Variants in ARB2A observed in about 807,000 individuals in gnomAD.
The protein encoded by ARB2A is ARB2 cotranscriptional regulator A.
the ARB2A span, among the ~76,000 whole-genome samples, chr5:93,918,305 A>T: frequency 6.6e-6 from 1 of 152,188 alleles, no homozygotes; most frequent in Non-Finnish European, 1.5e-5. Context: ...GTGTATACGC[A>T]TGTGTAAACA....
At chr5:93,703,848 C>G in the ARB2A span, among the ~76,000 whole-genome samples, 3 of 152,160 alleles carry the variant, frequency 2.0e-5, no homozygotes, top group African/African-American at 7.2e-5. Context: ...TAATCCATTC[C>G]TGGAAGCCAC....
chr5:94,050,439 G>A, the ARB2A span, among the ~76,000 whole-genome samples: 23 of 151,820 alleles, frequency 1.5e-4, no homozygotes, highest in South Asian at 4.2e-3. Flanking sequence ...ATTTTTAGTG[G>A]AGACAGGGTT....
chr5:94,022,873 G>C, the ARB2A span, among the ~76,000 whole-genome samples: 1 of 152,198 alleles, frequency 6.6e-6, no homozygotes, highest in East Asian at 1.9e-4. Flanking sequence ...ACACAAATCA[G>C]ACCATGGGAA....
At chr5:93,847,978 T>C in the ARB2A span, among the ~76,000 whole-genome samples, 1 of 152,236 alleles carries the variant, frequency 6.6e-6, no homozygotes, top group Non-Finnish European at 1.5e-5. Flanking sequence ...TTAAGAAATG[T>C]TATTTAAAAC....
the ARB2A span, chr5:93,734,439 G>C: frequency 2.0e-5 from 3 of 152,100 alleles, no homozygotes; most frequent in East Asian, 5.8e-4. Context: ...GAAGAGCCAC[G>C]GTCCTCTTTG....
At chr5:94,053,202 A>C in the ARB2A span, 1 of 1,578,742 alleles carries the variant, frequency 6.3e-7, no homozygotes, top group Non-Finnish European at 8.7e-7. Context: ...TCATTAGTTC[A>C]TCCAAATCTA....
chr5:93,679,968 G>A, the ARB2A span, among the ~76,000 whole-genome samples: 9 of 151,914 alleles, frequency 5.9e-5, no homozygotes, highest in African/African-American at 9.7e-5. Context: ...TTTAAGTCTT[G>A]AAATGTCAAA....
the ARB2A span, among the ~76,000 whole-genome samples, chr5:93,869,321 T>C: frequency 6.6e-4 from 101 of 152,294 alleles, no homozygotes; most frequent in South Asian, 1.0e-3. Context: ...CAAATTCAAA[T>C]TGAGGCACAG....
At chr5:93,876,457 T>C in the ARB2A span, among the ~76,000 whole-genome samples, 1 of 152,112 alleles carries the variant, frequency 6.6e-6, no homozygotes, top group Non-Finnish European at 1.5e-5. Flanking sequence ...AAATAGTAAG[T>C]TCTTTGATCT....
At chr5:93,878,473 T>C in the ARB2A span, among the ~76,000 whole-genome samples, 1 of 151,902 alleles carries the variant, frequency 6.6e-6, no homozygotes, top group African/African-American at 2.4e-5. Flanking sequence ...TTAGTTGCAA[T>C]GGAAAGTGGC....
At chr5:93,730,398 T>C in the ARB2A span, among the ~76,000 whole-genome samples, 1 of 152,030 alleles carries the variant, frequency 6.6e-6, no homozygotes. Flanking sequence ...TTGGTTTAAA[T>C]GTCAAAGGTA....
At chr5:93,805,068 T>C in the ARB2A span, 2 of 962,072 alleles carry the variant, frequency 2.1e-6, no homozygotes, top group Non-Finnish European at 1.2e-6. Flanking sequence ...TAATTAATGA[T>C]TAATGATTTT....
At chr5:93,888,590 T>C in the ARB2A span, among the ~76,000 whole-genome samples, 4 of 151,798 alleles carry the variant, frequency 2.6e-5, no homozygotes, top group East Asian at 1.9e-4. Flanking sequence ...TGTGTAAATA[T>C]AGTAGTTCTA....
the ARB2A span, chr5:93,737,036 A>C: frequency 1.3e-5 from 2 of 152,340 alleles, no homozygotes; most frequent in South Asian, 4.1e-4. Context: ...GATATGATTT[A>C]TATGTAGAAA....
chr5:93,641,072 T>C, the ARB2A span, among the ~76,000 whole-genome samples: 1 of 151,836 alleles, frequency 6.6e-6, no homozygotes, highest in Non-Finnish European at 1.5e-5. Flanking sequence ...TGGTGGTGTG[T>C]GCCTGTAATT....
chr5:93,785,681 A>G, the ARB2A span, among the ~76,000 whole-genome samples: 5 of 152,294 alleles, frequency 3.3e-5, no homozygotes, highest in Middle Eastern at 3.4e-3. Flanking sequence ...ATGCTGCCTC[A>G]GCAACATTTC....
At chr5:93,690,460 C>T in the ARB2A span, among the ~76,000 whole-genome samples, 1 of 152,114 alleles carries the variant, frequency 6.6e-6, no homozygotes, top group Non-Finnish European at 1.5e-5. Flanking sequence ...GGGTGGAGAC[C>T]ACCACAGCTT....
the ARB2A span, among the ~76,000 whole-genome samples, chr5:93,729,990 C>T: frequency 6.6e-6 from 1 of 152,078 alleles, no homozygotes; most frequent in African/African-American, 2.4e-5. Context: ...AATTCAAGCA[C>T]CTTCTGTTTC....
the ARB2A span, among the ~76,000 whole-genome samples, chr5:93,760,876 T>C: frequency 1.3e-5 from 2 of 152,148 alleles, no homozygotes; most frequent in South Asian, 4.1e-4. Context: ...CAAAAGCGAA[T>C]GCAATAAAAA....
Sources: allele counts gnomAD v4.1 joint callset (sites outside exome capture counted in the v4.1 genomes callset), GRCh38; gene constraint gnomAD v4.1.1; transcripts MANE v1.5; gene names NCBI Gene and HGNC (gene_info 2026-07-23, HGNC 2026-07-21).